The following FANCB variants were observed in gnomAD, a reference collection of about 807,000 sequenced individuals.
FANCB encodes FA complementation group B.
FANCB carries 5 observed loss-of-function variants against 38.9 expected under a neutral mutation model. That is an observed-to-expected ratio of 0.13 (90% confidence interval 0.07 to 0.27). FANCB has a LOEUF of 0.27. Ranked by LOEUF, FANCB falls within the 10% of genes least tolerant of loss-of-function variation. The pLI, the probability that FANCB is intolerant of heterozygous loss-of-function variation, is 1.00. For synonymous variants in FANCB, 236 were observed against 215.4 expected (o/e 1.10, Z -0.84); for missense variants, 573 against 602.7 (o/e 0.95, Z 0.52).
At chrX:14,814,894 A>T in the FANCB span, among the ~76,000 whole-genome samples, 1 of 112,277 alleles carries the variant, frequency 8.9e-6, no homozygotes, top group Non-Finnish European at 1.9e-5. Flanking sequence ...GGCACTATTC[A>T]TAATAGCAAA....
the FANCB span, among the ~76,000 whole-genome samples, chrX:14,696,325 C>G: frequency 9.1e-6 from 1 of 109,588 alleles, no homozygotes; most frequent in Non-Finnish European, 1.9e-5. Context: ...GGGGAAAACA[C>G]GGAAGAGACA....
At chrX:14,729,595 AAATTAAATTATTAATGAATATTT>A in the FANCB span, among the ~76,000 whole-genome samples, 2 of 112,062 alleles carry the variant, frequency 1.8e-5, no homozygotes, top group Admixed American at 9.5e-5. Flanking sequence ...AACACTGGAA[AAATTAAATTATTAATGAATATTT>A]AATCTCTGCT....
chrX:14,772,946 C>T, the FANCB span, among the ~76,000 whole-genome samples: 27 of 111,252 alleles, frequency 2.4e-4, no homozygotes, highest in Middle Eastern at 0.014. Context: ...ATGCTGCTCC[C>T]GGGTGGGTCA....
At chrX:14,806,570 G>A in the FANCB span, among the ~76,000 whole-genome samples, 1 of 111,477 alleles carries the variant, frequency 9.0e-6, no homozygotes, top group Non-Finnish European at 1.9e-5. Context: ...AAAGTGAGAT[G>A]CACACAGCTA....
chrX:14,798,141 T>G, the FANCB span, among the ~76,000 whole-genome samples: 1 of 110,601 alleles, frequency 9.0e-6, no homozygotes, highest in Non-Finnish European at 1.9e-5. Context: ...TTTTGTTTTT[T>G]TTTTGTTTTT....
chrX:14,847,519 T>G (rs746217817), intron 7 of FANCB, among the ~76,000 whole-genome samples: 1 of 110,586 alleles, frequency 9.0e-6, no homozygotes, highest in East Asian at 2.8e-4. Context: ...GAGGACTAAC[T>G]GAAGTTCCAG....
At chrX:14,869,509 T>A (rs1157862833) in intron 1 of FANCB, among the ~76,000 whole-genome samples, 5 of 112,016 alleles carry the variant, frequency 4.5e-5, no homozygotes. Flanking sequence ...CAGGCTGTGA[T>A]CTCTCAGGCT....
At chrX:14,702,557 T>C in the FANCB span, among the ~76,000 whole-genome samples, 2 of 111,944 alleles carry the variant, frequency 1.8e-5, no homozygotes, top group Non-Finnish European at 1.9e-5. Flanking sequence ...GCTTTCTGGT[T>C]TGAATTCTTT....
At chrX:14,871,191 A>AT (rs1183933610) in intron 1 of FANCB, among the ~76,000 whole-genome samples, 11 of 111,418 alleles carry the variant, frequency 9.9e-5, no homozygotes, top group Non-Finnish European at 7.5e-5. Flanking sequence ...TTTTTATGTC[A>AT]TATTAAGGAC....
chrX:14,778,640 A>C, the FANCB span, among the ~76,000 whole-genome samples: 1 of 112,348 alleles, frequency 8.9e-6, no homozygotes, highest in Non-Finnish European at 1.9e-5. Flanking sequence ...CTTCCCAGGT[A>C]ACCCCTTCAA....
At chrX:14,810,510 G>A in the FANCB span, among the ~76,000 whole-genome samples, 4 of 112,293 alleles carry the variant, frequency 3.6e-5, no homozygotes, top group African/African-American at 9.7e-5. Context: ...CGAGAACTAC[G>A]CGAAGAAAGC....
At chrX:14,740,233 G>T in the FANCB span, among the ~76,000 whole-genome samples, 3 of 102,645 alleles carry the variant, frequency 2.9e-5, no homozygotes, top group Non-Finnish European at 6.1e-5. Flanking sequence ...GAAGGGAGAA[G>T]AGATAAAAGG....
the FANCB span, among the ~76,000 whole-genome samples, chrX:14,750,229 G>C: frequency 1.3e-4 from 15 of 111,825 alleles, no homozygotes; most frequent in African/African-American, 4.9e-4. Flanking sequence ...TGAGTGTGGG[G>C]ACTTCCCTGG....
the FANCB span, among the ~76,000 whole-genome samples, chrX:14,809,569 C>T: frequency 2.7e-5 from 3 of 112,066 alleles, no homozygotes; most frequent in East Asian, 5.6e-4. Flanking sequence ...CACGGAGTCT[C>T]GCTGAATGCT....
the FANCB span, among the ~76,000 whole-genome samples, chrX:14,695,803 GA>G: frequency 9.0e-6 from 1 of 111,579 alleles, no homozygotes; most frequent in African/African-American, 3.3e-5. Flanking sequence ...GAGTATGGTG[GA>G]AAAAAGAAAC....
the FANCB span, chrX:14,731,364 G>C: frequency 9.0e-6 from 1 of 111,680 alleles, no homozygotes; most frequent in African/African-American, 3.3e-5. Flanking sequence ...ATTTACACGT[G>C]ACTTTAATCG....
the FANCB span, among the ~76,000 whole-genome samples, chrX:14,692,725 C>G: frequency 9.0e-6 from 1 of 111,271 alleles, no homozygotes; most frequent in Non-Finnish European, 1.9e-5. Flanking sequence ...TCTCCTAGAC[C>G]AAAGATGGAA....
intron 7 of FANCB, among the ~76,000 whole-genome samples, chrX:14,848,910 C>T (rs1050314666): frequency 9.1e-6 from 1 of 110,255 alleles, no homozygotes; most frequent in African/African-American, 3.3e-5. Context: ...AAAGCAGTGA[C>T]CCCCCCGGAC....
At chrX:14,797,724 C>A in the FANCB span, among the ~76,000 whole-genome samples, 5 of 106,493 alleles carry the variant, frequency 4.7e-5, no homozygotes, top group African/African-American at 1.7e-4. Flanking sequence ...AGAAATAAGT[C>A]ATTAAATCTA....
Sources: gnomAD v4.1 joint callset for allele counts (sites outside exome capture counted in the v4.1 genomes callset) on GRCh38, gnomAD v4.1.1 for gene constraint, MANE v1.5 for transcripts, NCBI Gene and HGNC (gene_info 2026-07-23, HGNC 2026-07-21) for gene names.